The following SGCZ variants were observed in gnomAD, a reference collection of about 807,000 sequenced individuals.
SGCZ encodes sarcoglycan zeta.
Under a neutral mutation model 41.3 loss-of-function variants are expected in SGCZ, and 40 were observed. The ratio of observed to expected loss-of-function variants is 0.97; its 90% confidence interval spans 0.75 to 1.26. SGCZ has a LOEUF of 1.26. SGCZ is among the 50% of genes most tolerant of loss of function. The pLI is 0.00. For synonymous variants in SGCZ, 206 were observed against 137.5 expected (o/e 1.50, Z -3.49); for missense variants, 552 against 369.8 (o/e 1.49, Z -4.04).
chr8:14,551,558 ATT>A (rs1309351742), intron 2 of SGCZ, among the ~76,000 whole-genome samples: 4 of 20,240 alleles, frequency 2.0e-4, no homozygotes, highest in South Asian at 2.2e-3. Flanking sequence ...TATAATATAT[ATT>A]ATATATATAA....
intron 1 of SGCZ, among the ~76,000 whole-genome samples, chr8:14,927,076 A>G (rs1771516599): frequency 6.7e-6 from 1 of 149,038 alleles, no homozygotes; most frequent in Admixed American, 6.7e-5. Context: ...AAAATATACT[A>G]TATCAAAGTA....
At chr8:14,253,919 C>T (rs148169767) in intron 3 of SGCZ, among the ~76,000 whole-genome samples, 1,606 of 122,050 alleles carry the variant, frequency 0.013, 34 homozygotes, top group African/African-American at 0.047. Context: ...TAAAAAATTA[C>T]AGTTTTTCTC....
intron 1 of SGCZ, among the ~76,000 whole-genome samples, chr8:14,788,193 C>T (rs1407657820): frequency 6.6e-6 from 1 of 152,066 alleles, no homozygotes; most frequent in South Asian, 2.1e-4. Context: ...AGGACTAAGT[C>T]TTCTATCTGT....
chr8:14,531,820 A>T (rs1803142363), intron 2 of SGCZ, among the ~76,000 whole-genome samples: 1 of 152,090 alleles, frequency 6.6e-6, no homozygotes, highest in African/African-American at 2.4e-5. Flanking sequence ...TTGTAATTTG[A>T]ATAATGTAAT....
At chr8:15,150,190 C>A (rs1011501809) in intron 1 of SGCZ, among the ~76,000 whole-genome samples, 4 of 152,004 alleles carry the variant, frequency 2.6e-5, no homozygotes, top group Non-Finnish European at 4.4e-5. Flanking sequence ...ATTGCTTTAT[C>A]CATTACTTTA....
intron 1 of SGCZ, among the ~76,000 whole-genome samples, chr8:14,970,926 G>A (rs1801273638): frequency 6.6e-6 from 1 of 152,114 alleles, no homozygotes. Context: ...TTCCAGCCAT[G>A]AATACTACAT....
chr8:14,838,993 G>C (rs1469032886), intron 1 of SGCZ, among the ~76,000 whole-genome samples: 1 of 152,106 alleles, frequency 6.6e-6, no homozygotes, highest in African/African-American at 2.4e-5. Flanking sequence ...GATCTCCTCA[G>C]TATGAAAGAA....
At chr8:14,826,417 A>G (rs931771485) in intron 1 of SGCZ, among the ~76,000 whole-genome samples, 10 of 152,138 alleles carry the variant, frequency 6.6e-5, no homozygotes, top group Non-Finnish European at 1.5e-4. Flanking sequence ...TCTTTGTAGC[A>G]GCATCATTTA....
intron 2 of SGCZ, among the ~76,000 whole-genome samples, chr8:14,325,918 C>T (rs1258692594): frequency 1.4e-5 from 2 of 148,044 alleles, no homozygotes; most frequent in Non-Finnish European, 3.0e-5. Context: ...CAAGACCATT[C>T]TGGCTAACAC....
chr8:15,191,230 C>T (rs962721032), intron 1 of SGCZ, among the ~76,000 whole-genome samples: 7 of 152,054 alleles, frequency 4.6e-5, no homozygotes, highest in African/African-American at 1.7e-4. Context: ...AACTTAATTA[C>T]ATATATTGTT....
intron 1 of SGCZ, among the ~76,000 whole-genome samples, chr8:14,675,797 CA>C (rs1185585032): frequency 6.6e-6 from 1 of 152,150 alleles, no homozygotes; most frequent in African/African-American, 2.4e-5. Context: ...AAGATAAAAA[CA>C]AGCAAGATGA....
chr8:14,688,912 A>G (rs1268663533), intron 1 of SGCZ, among the ~76,000 whole-genome samples: 3 of 152,246 alleles, frequency 2.0e-5, no homozygotes, highest in East Asian at 3.9e-4. Flanking sequence ...AACTTCAGCA[A>G]AGTCTCAGGA....
At chr8:14,453,069 C>T (rs1444046109) in intron 2 of SGCZ, among the ~76,000 whole-genome samples, 1 of 151,758 alleles carries the variant, frequency 6.6e-6, no homozygotes, top group African/African-American at 2.4e-5. Flanking sequence ...GATGGTACCA[C>T]TGAACTCTAG....
intron 3 of SGCZ, among the ~76,000 whole-genome samples, chr8:14,299,787 G>A (rs1485776712): frequency 6.6e-6 from 1 of 151,798 alleles, no homozygotes; most frequent in Non-Finnish European, 1.5e-5. Flanking sequence ...CTATGACCAA[G>A]AAATTTATCT....
intron 1 of SGCZ, among the ~76,000 whole-genome samples, chr8:14,900,838 C>T (rs1282010310): frequency 6.6e-6 from 1 of 152,128 alleles, no homozygotes; most frequent in Non-Finnish European, 1.5e-5. Context: ...TAAAAACAGG[C>T]ATTTCCCATA....
intron 1 of SGCZ, among the ~76,000 whole-genome samples, chr8:15,190,326 A>G (rs1477891421): frequency 7.1e-6 from 1 of 140,920 alleles, no homozygotes; most frequent in Non-Finnish European, 1.6e-5. Flanking sequence ...AAATGAAAGG[A>G]TAATTCATTT....
intron 3 of SGCZ, among the ~76,000 whole-genome samples, chr8:14,245,287 G>A (rs886321172): frequency 3.9e-5 from 6 of 152,134 alleles, no homozygotes; most frequent in East Asian, 1.9e-4. Context: ...CAGAAATAAC[G>A]CCGCATATCT....
At chr8:15,017,438 A>G (rs1056901106) in intron 1 of SGCZ, among the ~76,000 whole-genome samples, 5 of 152,138 alleles carry the variant, frequency 3.3e-5, no homozygotes, top group African/African-American at 1.2e-4. Flanking sequence ...AAATTTTTAA[A>G]AGACCTATTT....
chr8:14,886,176 T>G (rs1804798749), intron 1 of SGCZ, among the ~76,000 whole-genome samples: 2 of 151,482 alleles, frequency 1.3e-5, no homozygotes, highest in South Asian at 4.2e-4. Context: ...TGTTGATGAT[T>G]GTTTATAACT....
Sources: allele counts gnomAD v4.1 joint callset (sites outside exome capture counted in the v4.1 genomes callset), GRCh38; gene constraint gnomAD v4.1.1; transcripts MANE v1.5; gene names NCBI Gene and HGNC (gene_info 2026-07-23, HGNC 2026-07-21).